Variants in ERC2 observed in about 807,000 individuals in gnomAD.
ERC2 encodes the protein ERC protein 2.
A neutral mutation model predicts 114.8 loss-of-function variants in ERC2; 42 were observed. The ratio of observed to expected loss-of-function variants is 0.37; its 90% CI spans 0.29 to 0.47. ERC2 has a LOEUF of 0.47. Ranked by LOEUF, ERC2 falls within the 20% of genes least tolerant of loss-of-function variation. The probability of loss-of-function intolerance (pLI) is 0.99; values close to 1 mark genes in which losing one functional copy is unlikely to be tolerated. For missense variants in ERC2, 939 were observed against 1,150.7 expected, an observed-to-expected ratio of 0.82 and a Z score of 2.66; for synonymous variants, 454 against 425.5, an observed-to-expected ratio of 1.07 and a Z score of -0.82.
Position 55,508,511 on chromosome 3 carries a change from CGAT to C in ERC2, c.*2802_*2804del, listed in dbSNP as rs1029602746. On this transcript the variant is annotated 3_prime_UTR_variant, in exon 18 of 18. Transcript: ENST00000288221. ...AGTTTTATTTATTTATTTTTCATAT[CGAT>C]GTCCATAATCACATGGTCAATATCA... is the stretch of plus-strand genomic sequence containing the variant. The C allele has an allele frequency of 1.3e-5, 2 of 152,368 alleles. No homozygotes were observed. Among genetic ancestry groups the C allele is most frequent in the Admixed American group, 1.3e-4 (2 of 15,222 alleles). The allele number at this position is 152,368 out of a possible 1,614,324, so 9.4% of individuals were successfully genotyped here. A position where few individuals can be genotyped will look rare whatever the true frequency, so the allele number is the denominator to read the frequency against.
rs201244991 is a variant in ERC2 at position 55,851,755 on chromosome 3, GAA to G, written c.2564+36632_2564+36633del. ...AGTTGACCACAACAAAACTGCATGA[GAA>G]AAAAAAAAAAAGAATCCTTTGGATC... On this transcript the variant is annotated intron_variant, in intron 14 of 17. Transcript: ENST00000288221. Among the ~76,000 whole-genome samples the G allele has an allele frequency of 6.0e-3, 832 of 138,582 alleles. 9 individuals carry two copies. Among genetic ancestry groups the G allele is most frequent in the African/African-American group, 0.021 (795 of 37,916 alleles). The allele number at this position is 138,582 out of a possible 152,430, so 90.9% of individuals were successfully genotyped here.
At chr3:55,652,782 C>A (rs2060686085) in intron 17 of ERC2, among the ~76,000 whole-genome samples, 1 of 146,422 alleles carries the variant, frequency 6.8e-6, no homozygotes, top group Non-Finnish European at 1.5e-5. Context: ...ATCGTTTGAA[C>A]CCGGGAGGCA....
At chr3:56,442,734 C>T (rs960688904) in intron 1 of ERC2, among the ~76,000 whole-genome samples, 8 of 152,162 alleles carry the variant, frequency 5.3e-5, no homozygotes, top group Non-Finnish European at 8.8e-5. Context: ...ATTTGACAAC[C>T]GAATCCTCTT....
At chr3:55,664,002 T>C (rs561600737) in intron 17 of ERC2, among the ~76,000 whole-genome samples, 17 of 152,226 alleles carry the variant, frequency 1.1e-4, no homozygotes, top group Non-Finnish European at 2.2e-4. Context: ...CTCAGCCTTA[T>C]ACTTTCATCA....
intron 3 of ERC2, among the ~76,000 whole-genome samples, chr3:56,250,456 A>G (rs1355750447): frequency 6.6e-6 from 1 of 152,222 alleles, no homozygotes; most frequent in Non-Finnish European, 1.5e-5. Context: ...TCCTGGAATA[A>G]GATCTAAGAG....
chr3:55,730,658 C>T (rs567893193), intron 15 of ERC2, among the ~76,000 whole-genome samples: 2 of 152,140 alleles, frequency 1.3e-5, no homozygotes, highest in Non-Finnish European at 2.9e-5. Context: ...ACTGCTTGAG[C>T]CCAGGAGTTT....
At chr3:55,843,736 C>A (rs1304925388) in intron 14 of ERC2, among the ~76,000 whole-genome samples, 1 of 152,184 alleles carries the variant, frequency 6.6e-6, no homozygotes, top group African/African-American at 2.4e-5. Context: ...AAATGTGTGG[C>A]CCCAATGTTT....
chr3:55,794,701 A>T (rs1204481635), intron 14 of ERC2, among the ~76,000 whole-genome samples: 1 of 152,224 alleles, frequency 6.6e-6, no homozygotes, highest in African/African-American at 2.4e-5. Context: ...TTATACCCAG[A>T]CAAGCTTTCT....
At chr3:55,691,486 G>A (rs533006500) in intron 16 of ERC2, among the ~76,000 whole-genome samples, 2 of 137,252 alleles carry the variant, frequency 1.5e-5, no homozygotes, top group Admixed American at 7.6e-5. Context: ...TCATCCCCAC[G>A]TGAAACAAAA....
intron 6 of ERC2, among the ~76,000 whole-genome samples, chr3:56,100,386 C>A (rs192050975): frequency 6.6e-6 from 1 of 152,252 alleles, no homozygotes; most frequent in African/African-American, 2.4e-5. Context: ...CAAGCAAGAA[C>A]CAAGCACCCC....
intron 3 of ERC2, among the ~76,000 whole-genome samples, chr3:56,208,698 A>G (rs1488357200): frequency 6.6e-6 from 1 of 152,236 alleles, no homozygotes; most frequent in Non-Finnish European, 1.5e-5. Flanking sequence ...ACTCAGTGAC[A>G]AAAGACATTT....
chr3:55,628,382 T>C (rs989792127), intron 17 of ERC2, among the ~76,000 whole-genome samples: 3 of 152,266 alleles, frequency 2.0e-5, no homozygotes, highest in Non-Finnish European at 2.9e-5. Flanking sequence ...CTAATTTGAA[T>C]GTAAATTGTC....
chr3:55,857,853 C>T (rs2061858813), intron 14 of ERC2, among the ~76,000 whole-genome samples: 1 of 152,170 alleles, frequency 6.6e-6, no homozygotes. Flanking sequence ...GGACCCTCAT[C>T]TCTGAAATGG....
chr3:55,810,463 C>A (rs2059671570), intron 14 of ERC2, among the ~76,000 whole-genome samples: 1 of 138,382 alleles, frequency 7.2e-6, no homozygotes, highest in African/African-American at 2.8e-5. Flanking sequence ...CTCTCTCTCC[C>A]TCTTTTTTTT....
At position 56,080,994 on chromosome 3, in the gene ERC2, G is replaced by C; in HGVS notation, c.1474-10C>G. 1.2e-6 allele frequency: 2 copies of C among 1,608,754 alleles called. No individual in the cohort carries two copies. Among genetic ancestry groups the C allele is most frequent in the South Asian group, 2.2e-5 (2 of 90,434 alleles). On this transcript the variant is annotated splice_polypyrimidine_tract_variant and intron_variant, in intron 6 of 17. Coordinates refer to ENST00000288221, the MANE Select transcript of ERC2 (RefSeq NM_015576.3). ...ATCTCAGCGCATCTACCTGAAATCA[G>C]GAAAAAGACAGAAGGTTGTGGTTTT...
rs1006993170 is a variant in ERC2 at position 55,509,847 on chromosome 3, A to T, written c.*1469T>A. ...GCAAAGAAAGACAACTATATTTATT[A>T]AGGCCACTCATGCTTAAATTCACTG... On this transcript the variant is annotated 3_prime_UTR_variant, in exon 18 of 18. Coordinates refer to ENST00000288221, the MANE Select transcript of ERC2 (RefSeq NM_015576.3). The T allele has an allele frequency of 1.3e-5, 2 of 152,626 alleles. No individual in the cohort carries two copies. Among genetic ancestry groups the T allele is most frequent in the Non-Finnish European group, 2.9e-5 (2 of 68,034 alleles). 9.5% of individuals were successfully genotyped at this position (152,626 alleles called of 1,614,324 possible). A position where few individuals can be genotyped will look rare whatever the true frequency, so the allele number is the denominator to read the frequency against.
intron 7 of ERC2, among the ~76,000 whole-genome samples, chr3:56,040,595 C>T (rs12491024): frequency 1.8e-4 from 1 of 5,682 alleles, no homozygotes; most frequent in Non-Finnish European, 2.8e-4. Flanking sequence ...ACATATATAT[C>T]TATATATGTA....
chr3:55,662,863 T>A (rs566048281), intron 17 of ERC2, among the ~76,000 whole-genome samples: 1 of 152,192 alleles, frequency 6.6e-6, no homozygotes, highest in Non-Finnish European at 1.5e-5. Flanking sequence ...TTAAATTCCA[T>A]GCTTATTCAT....
intron 14 of ERC2, among the ~76,000 whole-genome samples, chr3:55,810,465 C>CTTTTTTTTTTTT (rs11318195): frequency 0.024 from 3,505 of 145,938 alleles, 49 homozygotes; most frequent in South Asian, 0.054. Flanking sequence ...CTCTCTCCCT[C>CTTTTTTTTTTTT]TTTTTTTTTT....
Sources: gnomAD v4.1 joint callset for allele counts (sites outside exome capture counted in the v4.1 genomes callset) on GRCh38, gnomAD v4.1.1 for gene constraint, MANE v1.5 for transcripts, NCBI Gene and HGNC (gene_info 2026-07-23, HGNC 2026-07-21) for gene names.